The following ST6GALNAC6 variants were observed in gnomAD, a reference collection of about 807,000 sequenced individuals.
The protein encoded by ST6GALNAC6 is ST6 N-acetylgalactosaminide alpha-2,6-sialyltransferase 6, also known as alpha-N-acetylgalactosaminide alpha-2,6-sialyltransferase 6.
A neutral mutation model predicts 34.3 loss-of-function variants in ST6GALNAC6; 19 were observed. The observed-to-expected ratio is 0.55, with a 90% CI of 0.39 to 0.81. ST6GALNAC6 has a LOEUF of 0.81. Ranked by LOEUF, ST6GALNAC6 falls within the 40% of genes least tolerant of loss-of-function variation. The pLI is 0.00. For missense variants in ST6GALNAC6, 377 were observed against 467.7 expected (o/e 0.81, Z 1.79); for synonymous variants, 185 against 182.1 (o/e 1.02, Z -0.13).
chr9:127,894,503 C>G lies in ST6GALNAC6; in HGVS notation c.297+9G>C, dbSNP rs1440516046. 17 of 1,613,252 alleles carry G rather than the reference C, an allele frequency of 1.1e-5. No individual in the cohort carries two copies. The highest frequency in any genetic ancestry group is 1.4e-5 in the Non-Finnish European group (17 of 1,179,876). ...AGTAGGGAGGAGCTCCCCAAAGCAG[C>G]TGCGCTACCTTGTTGCCGAGAATGG... On this transcript the variant is annotated intron_variant, in intron 4 of 6. Transcript: ENST00000373146.
intron 5 of ST6GALNAC6, among the ~76,000 whole-genome samples, chr9:127,888,615 T>C (rs1390998781): frequency 4.6e-5 from 7 of 150,906 alleles, no homozygotes; most frequent in Non-Finnish European, 1.0e-4. Flanking sequence ...GAGACCAGCC[T>C]GGCCAACATG....
At chr9:127,899,612 C>G, upstream of ST6GALNAC6, 1 of 982,290 alleles carries the variant, frequency 1.0e-6, no homozygotes, top group Non-Finnish European at 1.2e-6. Context: ...TCGCCGCACC[C>G]GCGGCCCGCC....
chr9:127,900,584 A>AAAAAAAAAAAG (rs1564495080), upstream of ST6GALNAC6, among the ~76,000 whole-genome samples: 2 of 150,136 alleles, frequency 1.3e-5, no homozygotes, highest in African/African-American at 4.9e-5. Context: ...AAAAAAAAAA[A>AAAAAAAAAAAG]AAGAAGGATG....
At chr9:127,894,094 C>T (rs1034543698) in intron 4 of ST6GALNAC6, among the ~76,000 whole-genome samples, 2 of 152,102 alleles carry the variant, frequency 1.3e-5, no homozygotes, top group African/African-American at 4.8e-5. Flanking sequence ...ATAATGCTGC[C>T]CTCACAGGGC....
At chr9:127,901,689 T>C (rs538618979), upstream of ST6GALNAC6, among the ~76,000 whole-genome samples, 1 of 152,112 alleles carries the variant, frequency 6.6e-6, no homozygotes, top group African/African-American at 2.4e-5. Context: ...CCCAGCACTT[T>C]GGGAGGCCAA....
chr9:127,897,938 C>G lies in ST6GALNAC6; in HGVS notation c.26+18G>C. ...CAGCATGTCAGCTGCCAGTGCGAAT[C>G]CCGGTTTCACCACTTACTGGCTGGG... On this transcript the variant is annotated intron_variant, in intron 2 of 6. Coordinates refer to ENST00000373146, the MANE Select transcript of ST6GALNAC6 (RefSeq NM_013443.5). 2 of 1,613,272 alleles carry G rather than the reference C, an allele frequency of 1.2e-6. No individual in the cohort carries two copies. The highest frequency in any genetic ancestry group is 1.7e-6 in the Non-Finnish European group (2 of 1,179,668).
At position 127,886,210 on chromosome 9, in the gene ST6GALNAC6, G is replaced by T; in HGVS notation, c.*389C>A. 3.0e-6 allele frequency: 1 copy of T among 337,458 alleles called. No individual in the cohort carries two copies. The allele number at this position is 337,458 out of a possible 1,614,324, so 20.9% of individuals were successfully genotyped here. On this transcript the variant is annotated 3_prime_UTR_variant, in exon 7 of 7. Coordinates refer to ENST00000373146, the MANE Select transcript of ST6GALNAC6 (RefSeq NM_013443.5). ...TTGAGGGGGCAACACCAAGTTCCCA[G>T]CTCCTTGGGACAGGACCCCATTATC... is the stretch of plus-strand genomic sequence containing the variant.
chr9:127,886,901 T>C, intron 6 of ST6GALNAC6, 113 bp from the exon 7 acceptor site: 1 of 1,108,002 alleles, frequency 9.0e-7, no homozygotes, highest in South Asian at 1.7e-5. Context: ...CCATGCCTCC[T>C]GGGGCCTCGG....
chr9:127,891,047 G>A lies in ST6GALNAC6; in HGVS notation c.298-4C>T. 6.2e-7 allele frequency: 1 copy of A among 1,613,262 alleles called. No individual in the cohort carries two copies. The highest frequency in any genetic ancestry group is 1.1e-5 in the South Asian group (1 of 91,026). On this transcript the variant is annotated splice_region_variant and splice_polypyrimidine_tract_variant and intron_variant, in intron 4 of 6. Transcript: ENST00000373146. ...GGTGGCACCGAGAGGGCAGTGTCTG[G>A]TGGATAAGGAAAGTCAACATTATCA...
Position 127,886,353 on chromosome 9 carries a change from G to T in ST6GALNAC6, c.*246C>A. The stretch of plus-strand genomic sequence containing the variant: ...CAGAAATACCCCCTCTACCCTGATT[G>T]ACTGTGCGCAGACCCTGACTGCACA... On this transcript the variant is annotated 3_prime_UTR_variant, in exon 7 of 7. Coordinates refer to ENST00000373146, the MANE Select transcript of ST6GALNAC6 (RefSeq NM_013443.5). The T allele has an allele frequency of 2.6e-6, 3 of 1,155,816 alleles. No individual in the cohort carries two copies. The highest frequency in any genetic ancestry group is 3.5e-6 in the Non-Finnish European group (3 of 848,644). The allele number at this position is 1,155,816 out of a possible 1,614,324, so 71.6% of individuals were successfully genotyped here. A position where few individuals can be genotyped will look rare whatever the true frequency, so the allele number is the denominator to read the frequency against.
upstream of ST6GALNAC6, chr9:127,899,715 C>G (rs2131587500): frequency 1.0e-6 from 1 of 963,580 alleles, no homozygotes; most frequent in South Asian, 4.8e-5. Context: ...GCGGCGCGGG[C>G]GGGGAAGGGA....
intron 2 of ST6GALNAC6, 41 bp downstream of exon 2, chr9:127,897,915 G>A: frequency 2.5e-6 from 4 of 1,613,580 alleles, no homozygotes; most frequent in Non-Finnish European, 2.5e-6. Flanking sequence ...GGTCAGTACA[G>A]CATGTCAGCT....
At chr9:127,897,535 C>T (rs906815716) in intron 2 of ST6GALNAC6, 4 of 717,930 alleles carry the variant, frequency 5.6e-6, no homozygotes, top group Non-Finnish European at 6.8e-6. Context: ...AGCTCGGCTT[C>T]GGGTTTCTCC....
At chr9:127,893,567 C>T (rs867305462) in intron 4 of ST6GALNAC6, among the ~76,000 whole-genome samples, 35 of 152,210 alleles carry the variant, frequency 2.3e-4, no homozygotes, top group Non-Finnish European at 4.6e-4. Context: ...ACACATCCCA[C>T]GTACCTCGAC....
upstream of ST6GALNAC6, chr9:127,905,533 C>T (rs1450931853): frequency 4.3e-6 from 3 of 703,976 alleles, no homozygotes; most frequent in East Asian, 4.0e-4. Flanking sequence ...GAGTGGAGTT[C>T]AAATCCCATC....
chr9:127,897,277 A>G, intron 2 of ST6GALNAC6: 3 of 986,002 alleles, frequency 3.0e-6, no homozygotes, highest in Non-Finnish European at 3.6e-6. Context: ...GCAGGAGTGC[A>G]GAGGGAAGAA....
intron 3 of ST6GALNAC6, 110 bp downstream of exon 3, chr9:127,896,132 C>G: frequency 7.7e-7 from 1 of 1,293,774 alleles, no homozygotes; most frequent in Non-Finnish European, 1.1e-6. Flanking sequence ...CAGCTTCTTG[C>G]GGGGAAGAAG....
At position 127,886,252 on chromosome 9, in the gene ST6GALNAC6, T is replaced by G; in HGVS notation, c.*347A>C. The stretch of plus-strand genomic sequence containing the variant: ...CCCATTATCCCAGGAGAGTGGGGAG[T>G]GATTGGGGGGTCCATTCCTGGGGCT... On this transcript the variant is annotated 3_prime_UTR_variant, in exon 7 of 7. Coordinates refer to ENST00000373146, the MANE Select transcript of ST6GALNAC6 (RefSeq NM_013443.5). 3 of 439,220 alleles carry G rather than the reference T, an allele frequency of 6.8e-6. No homozygotes were observed. Among genetic ancestry groups the G allele is most frequent in the Non-Finnish European group, 1.2e-5 (3 of 258,128 alleles). The allele number at this position is 439,220 out of a possible 1,614,324, so 27.2% of individuals were successfully genotyped here. A position where few individuals can be genotyped will look rare whatever the true frequency, so the allele number is the denominator to read the frequency against.
At chr9:127,902,836 C>T (rs1027504853), upstream of ST6GALNAC6, among the ~76,000 whole-genome samples, 1 of 151,204 alleles carries the variant, frequency 6.6e-6, no homozygotes, top group African/African-American at 2.4e-5. Context: ...GATCCACCCC[C>T]CCTTGGCCTC....
Sources: gnomAD v4.1 joint callset for allele counts (sites outside exome capture counted in the v4.1 genomes callset) on GRCh38, gnomAD v4.1.1 for gene constraint, MANE v1.5 for transcripts, NCBI Gene and HGNC (gene_info 2026-07-23, HGNC 2026-07-21) for gene names.